ETV7: variants seen among roughly 807,000 people sequenced by gnomAD.
The protein encoded by ETV7 is ETS variant transcription factor 7, also known as transcription factor ETV7.
A neutral mutation model predicts 39.1 loss-of-function variants in ETV7; 43 were observed. That is an observed-to-expected ratio of 1.10 (90% CI 0.86 to 1.42). ETV7 has a LOEUF of 1.42. Among genes scored for constraint, ETV7 ranks in the 40% most tolerant of loss-of-function variants. The probability of loss-of-function intolerance (pLI) is 0.00; values close to 1 mark genes in which losing one functional copy is unlikely to be tolerated. For missense variants in ETV7, 432 were observed against 442.3 expected (o/e 0.98, Z 0.21); for synonymous variants, 196 against 176.6 (o/e 1.11, Z -0.87).
In ETV7 at chr6:36,381,189, T is replaced by C. The variant is rs146729023; in HGVS notation, c.142+4345A>G. Among the ~76,000 whole-genome samples, 900 of 152,260 alleles carry C rather than the reference T, an allele frequency of 5.9e-3. 6 individuals are homozygous for C. The highest frequency in any genetic ancestry group is 0.021 in the African/African-American group (856 of 41,538). On this transcript the variant is annotated intron_variant, in intron 2 of 7. Coordinates refer to ENST00000340181, the MANE Select transcript of ETV7 (RefSeq NM_016135.4). ...TTGCAGGAAGAATGCAGGAGGCAGT[T>C]AAAGTGCTTGGCCAGTACCCTAAAA...
intron 2 of ETV7, among the ~76,000 whole-genome samples, chr6:36,376,248 T>A (rs373766460): frequency 7.7e-6 from 1 of 129,708 alleles, no homozygotes; most frequent in East Asian, 1.9e-4. Flanking sequence ...TGTTTGTCAT[T>A]ATGTATGTAG....
In ETV7 at chr6:36,371,434, T is replaced by C. The variant is rs1773016831; in HGVS notation, c.560A>G (p.Glu187Gly). The stretch of plus-strand genomic sequence containing the variant: ...ACAGTGACATAAGTTGAGGGACTCC[T>C]CCTTGCCAGGGGTCCACCTTGCCAG... ...PGLARWTPGK[E>G]ESLNLCHCAE... The change falls in exon 5 of 8, where the codon GAG becomes GGG. Residue 187 changes from glutamate (E) to glycine (G), a missense_variant. Physicochemically the swap from Glu to Gly is moderately conservative, Grantham distance 98 (BLOSUM62 -2). Transcript: ENST00000340181. 1 of 1,601,480 alleles carries C rather than the reference T, an allele frequency of 6.2e-7. No individual in the cohort carries two copies.
At position 36,387,629 on chromosome 6, in the gene ETV7, G is replaced by C. The variant is rs1220854576; in HGVS notation, c.-88C>G. ...TGGGGCCCTAGGCCCGCGCCCCGCAGTCCTCCTCCGCCAAACCCCTAACCT... is the reference window on the plus strand; with the variant it reads ...TGGGGCCCTAGGCCCGCGCCCCGCACTCCTCCTCCGCCAAACCCCTAACCT... On this transcript the variant is annotated 5_prime_UTR_variant, in exon 1 of 8. Transcript: ENST00000340181. 1.6e-5 allele frequency: 24 copies of C among 1,480,140 alleles called. No homozygotes were observed. The highest frequency in any genetic ancestry group is 2.1e-5 in the Non-Finnish European group (22 of 1,067,612). 91.7% of individuals were successfully genotyped at this position (1,480,140 alleles called of 1,614,324 possible). A position where few individuals can be genotyped will look rare whatever the true frequency, so the allele number is the denominator to read the frequency against.
Position 36,375,944 on chromosome 6 carries a change from G to T in ETV7, c.234C>A (p.His78Gln). ...QEYSLPCTAE[H>Q]GFEMNGRALC... ...GGGCGCGTCCGTTCATCTCGAACCC[G>T]TGCTCCGCGGTGCATGGCAGAGAGT... The change falls in exon 3 of 8, where the codon CAC (histidine) becomes CAA (glutamine). Residue 78 changes from histidine (H) to glutamine (Q), a missense_variant. Physicochemically the swap from His to Gln is conservative, Grantham distance 24. Transcript: ENST00000340181. 1 of 1,613,678 alleles carries T rather than the reference G, an allele frequency of 6.2e-7. No individual in the cohort carries two copies. The highest frequency in any genetic ancestry group is 8.5e-7 in the Non-Finnish European group (1 of 1,180,026).
At chr6:36,355,923 AG>A (rs1270832344) in intron 7 of ETV7, among the ~76,000 whole-genome samples, 5 of 152,198 alleles carry the variant, frequency 3.3e-5, no homozygotes, top group African/African-American at 1.2e-4. Flanking sequence ...CTCTCATTAC[AG>A]GAACTCTCCT....
At chr6:36,374,152 G>A (rs1195688976) in intron 3 of ETV7, among the ~76,000 whole-genome samples, 1 of 152,172 alleles carries the variant, frequency 6.6e-6, no homozygotes, top group African/African-American at 2.4e-5. Context: ...GAACCCAGGA[G>A]TTTGAGACCA....
chr6:36,385,407 A>G, intron 2 of ETV7, 127 bp downstream of exon 2: 4 of 1,109,924 alleles, frequency 3.6e-6, no homozygotes, highest in Non-Finnish European at 5.3e-6. Flanking sequence ...TGGAAGTTGA[A>G]GGTGCAGTGA....
intron 7 of ETV7, among the ~76,000 whole-genome samples, chr6:36,357,595 G>C (rs58238975): frequency 6.6e-6 from 1 of 151,930 alleles, no homozygotes; most frequent in Non-Finnish European, 1.5e-5. Context: ...ACACCTCCCC[G>C]GCCACGTGCG....
In ETV7 at chr6:36,371,381, C is replaced by A. The variant is rs139670741; in HGVS notation, c.613G>T (p.Val205Phe). The change falls in exon 5 of 8, where the codon GTC (valine) becomes TTC (phenylalanine). Residue 205 changes from valine (V) to phenylalanine (F), a missense_variant. Physicochemically the swap from Val to Phe is conservative, Grantham distance 50 (BLOSUM62 -1). Coordinates refer to ENST00000340181, the MANE Select transcript of ETV7 (RefSeq NM_016135.4). The part of the protein sequence containing the change: ...CAELGCRTQG[V>F]CSFPAMPQAP... ...TGCGGCATCGCGGGGAAGGAACAGA[C>A]CCCCTGGGTCCTGCAGCCGAGCTCT... The A allele has an allele frequency of 1.9e-6, 3 of 1,601,336 alleles. No individual in the cohort carries two copies. The highest frequency in any genetic ancestry group is 2.3e-5 in the East Asian group (1 of 44,372).
At chr6:36,383,321 C>G (rs1413608672) in intron 2 of ETV7, among the ~76,000 whole-genome samples, 2 of 152,172 alleles carry the variant, frequency 1.3e-5, no homozygotes, top group Non-Finnish European at 1.5e-5. Context: ...ACCTCCTGAC[C>G]CTTGCCACAA....
chr6:36,377,123 A>G (rs1402970343), intron 2 of ETV7, among the ~76,000 whole-genome samples: 1 of 152,202 alleles, frequency 6.6e-6, no homozygotes, highest in Non-Finnish European at 1.5e-5. Context: ...GGGCTACGTT[A>G]CGACTTCATG....
downstream of ETV7, chr6:36,366,188 G>T: frequency 1.0e-6 from 1 of 1,001,532 alleles, no homozygotes; most frequent in East Asian, 1.0e-4. Context: ...ATAAAAGAAA[G>T]AAACATCAGC....
chr6:36,374,090 G>T (rs1773181472), intron 3 of ETV7, among the ~76,000 whole-genome samples: 1 of 152,174 alleles, frequency 6.6e-6, no homozygotes. Context: ...AGGTGCGGTG[G>T]CTCACACCTG....
At chr6:36,359,256 G>A (rs967102993) in intron 7 of ETV7, among the ~76,000 whole-genome samples, 16 of 152,114 alleles carry the variant, frequency 1.1e-4, no homozygotes, top group Non-Finnish European at 2.2e-4. Context: ...TTCAAGACCA[G>A]CCTGACCAAC....
At chr6:36,365,757 C>T (rs1008441757), downstream of ETV7, among the ~76,000 whole-genome samples, 3 of 152,092 alleles carry the variant, frequency 2.0e-5, no homozygotes, top group South Asian at 2.1e-4. Context: ...TGTGGAGAGG[C>T]GGGCCAGCTC....
At chr6:36,355,232 C>G (rs1229419266) in intron 7 of ETV7, among the ~76,000 whole-genome samples, 1 of 152,148 alleles carries the variant, frequency 6.6e-6, no homozygotes, top group East Asian at 1.9e-4. Flanking sequence ...CACAGATGGT[C>G]TTGATCAGCT....
intron 3 of ETV7, among the ~76,000 whole-genome samples, chr6:36,374,086 G>A (rs748167416): frequency 2.0e-5 from 3 of 152,122 alleles, no homozygotes; most frequent in Admixed American, 6.6e-5. Flanking sequence ...AGCCAGGTGC[G>A]GTGGCTCACA....
intron 1 of ETV7, 40 bp from the exon 2 acceptor site, chr6:36,385,709 T>G: frequency 6.4e-7 from 1 of 1,564,172 alleles, no homozygotes; most frequent in Non-Finnish European, 8.6e-7. Flanking sequence ...GAAGAGCATC[T>G]TGGTGAAGGC....
At chr6:36,356,448 G>A (rs10755694) in intron 7 of ETV7, among the ~76,000 whole-genome samples, 97,270 of 152,000 alleles carry the variant, frequency 0.64, 31,521 homozygotes, top group East Asian at 0.76. Flanking sequence ...TGACAGCTCC[G>A]AGAGCCCCAA....
Sources: allele counts gnomAD v4.1 joint callset (sites outside exome capture counted in the v4.1 genomes callset), GRCh38; gene constraint gnomAD v4.1.1; transcripts MANE v1.5; gene names NCBI Gene and HGNC (gene_info 2026-07-23, HGNC 2026-07-21).